FAM135B: variants seen among roughly 807,000 people sequenced by gnomAD.
The protein encoded by FAM135B is family with sequence similarity 135 member B.
FAM135B carries 43 observed loss-of-function variants against 127.7 expected under a neutral mutation model. The observed-to-expected ratio is 0.34, with a 90% CI of 0.26 to 0.43. FAM135B has a LOEUF of 0.43. Ranked by LOEUF, FAM135B falls within the 20% of genes least tolerant of loss-of-function variation. FAM135B has a pLI of 1.00. For missense variants in FAM135B, 1,558 were observed against 1,725.6 expected (o/e 0.90, Z 1.72); for synonymous variants, 670 against 665.1 (o/e 1.01, Z -0.11).
At chr8:138,310,526 C>T (rs1346775364) in intron 3 of FAM135B, among the ~76,000 whole-genome samples, 1 of 152,148 alleles carries the variant, frequency 6.6e-6, no homozygotes, top group Non-Finnish European at 1.5e-5. Flanking sequence ...GCTTCTCTAC[C>T]CACTTGCTGG....
intron 1 of FAM135B, among the ~76,000 whole-genome samples, chr8:138,409,753 T>A (rs992351439): frequency 6.6e-6 from 1 of 151,834 alleles, no homozygotes; most frequent in Middle Eastern, 3.2e-3. Flanking sequence ...TGGGCGCTTG[T>A]AGTCCCAGCT....
At chr8:138,400,299 C>T (rs1440048100) in intron 1 of FAM135B, among the ~76,000 whole-genome samples, 2 of 152,138 alleles carry the variant, frequency 1.3e-5, no homozygotes, top group African/African-American at 4.8e-5. Flanking sequence ...TTGATTCAGT[C>T]GCTTACTCCA....
intron 1 of FAM135B, among the ~76,000 whole-genome samples, chr8:138,377,211 G>A (rs2131267621): frequency 6.6e-6 from 1 of 152,248 alleles, no homozygotes; most frequent in Admixed American, 6.5e-5. Context: ...CTATATATCA[G>A]CATTTACTTT....
chr8:138,473,188 T>C (rs999169608), intron 1 of FAM135B, among the ~76,000 whole-genome samples: 31 of 152,276 alleles, frequency 2.0e-4, no homozygotes, highest in African/African-American at 7.0e-4. Context: ...CAGGATCTAG[T>C]AGGAGAACCT....
At chr8:138,155,702 C>T (rs1818664143) in intron 12 of FAM135B, among the ~76,000 whole-genome samples, 1 of 152,074 alleles carries the variant, frequency 6.6e-6, no homozygotes, top group Non-Finnish European at 1.5e-5. Context: ...ACAAAGAAAG[C>T]CATTACATAA....
chr8:138,185,801 T>G (rs997456157), intron 9 of FAM135B, among the ~76,000 whole-genome samples: 1 of 152,220 alleles, frequency 6.6e-6, no homozygotes, highest in Non-Finnish European at 1.5e-5. Context: ...ATACTCAGCA[T>G]GTGTTGAACT....
intron 12 of FAM135B, among the ~76,000 whole-genome samples, chr8:138,165,037 C>T (rs956288901): frequency 3.3e-5 from 5 of 152,006 alleles, no homozygotes; most frequent in Non-Finnish European, 5.9e-5. Context: ...GCAGAGAAGC[C>T]CCAGAAAGAC....
chr8:138,259,355 T>C (rs1329485845), intron 4 of FAM135B, among the ~76,000 whole-genome samples: 1 of 152,238 alleles, frequency 6.6e-6, no homozygotes, highest in Non-Finnish European at 1.5e-5. Context: ...CTCTTAGTTC[T>C]ATCATTTCAT....
intron 1 of FAM135B, chr8:138,441,877 G>C (rs1835790403): frequency 6.6e-6 from 1 of 151,932 alleles, no homozygotes; most frequent in South Asian, 2.1e-4. Context: ...AGAATATGCT[G>C]TGTGAGGAGA....
chr8:138,340,709 C>T (rs946620235), intron 2 of FAM135B, among the ~76,000 whole-genome samples: 5 of 152,094 alleles, frequency 3.3e-5, no homozygotes, highest in Admixed American at 2.0e-4. Flanking sequence ...CATCCATCCC[C>T]TCCTCCCTCC....
chr8:138,272,436 C>T (rs1403153747), intron 3 of FAM135B, among the ~76,000 whole-genome samples: 1 of 152,122 alleles, frequency 6.6e-6, no homozygotes, highest in Non-Finnish European at 1.5e-5. Context: ...AAGCAGATAC[C>T]ATGCTCTGGC....
chr8:138,306,027 A>G (rs369225070), intron 3 of FAM135B, among the ~76,000 whole-genome samples: 1 of 152,290 alleles, frequency 6.6e-6, no homozygotes, highest in East Asian at 1.9e-4. Flanking sequence ...GAGACACACA[A>G]TGAAGTTTCT....
intron 3 of FAM135B, among the ~76,000 whole-genome samples, chr8:138,270,537 C>A (rs1173896130): frequency 6.6e-6 from 1 of 152,348 alleles, no homozygotes; most frequent in Non-Finnish European, 1.5e-5. Flanking sequence ...GCTGCAATAA[C>A]ACAATAGCAC....
chr8:138,281,973 G>A (rs1158300143), intron 3 of FAM135B, among the ~76,000 whole-genome samples: 3 of 152,150 alleles, frequency 2.0e-5, no homozygotes, highest in African/African-American at 7.2e-5. Flanking sequence ...ATTGTGCCCA[G>A]CTGATTATCT....
intron 9 of FAM135B, among the ~76,000 whole-genome samples, chr8:138,187,419 C>A (rs1203833962): frequency 6.6e-6 from 1 of 152,076 alleles, no homozygotes; most frequent in Non-Finnish European, 1.5e-5. Flanking sequence ...GCCACCTATT[C>A]TCTGTGAGAG....
At chr8:138,267,473 C>T (rs1041743056) in intron 3 of FAM135B, among the ~76,000 whole-genome samples, 1 of 151,258 alleles carries the variant, frequency 6.6e-6, no homozygotes, top group African/African-American at 2.4e-5. Context: ...AAAATGAAGT[C>T]TCCAGTGAAA....
intron 1 of FAM135B, among the ~76,000 whole-genome samples, chr8:138,395,393 T>A (rs1443303878): frequency 6.6e-6 from 1 of 151,950 alleles, no homozygotes; most frequent in Non-Finnish European, 1.5e-5. Context: ...TTCTCCACTG[T>A]GAGCCAGAGA....
At chr8:138,415,573 A>G (rs1834097267) in intron 1 of FAM135B, among the ~76,000 whole-genome samples, 1 of 152,176 alleles carries the variant, frequency 6.6e-6, no homozygotes, top group African/African-American at 2.4e-5. Flanking sequence ...GATAGGAGGG[A>G]AGCTCAGGTC....
At chr8:138,438,035 CT>C (rs781011446) in intron 1 of FAM135B, 4 of 152,188 alleles carry the variant, frequency 2.6e-5, no homozygotes, top group Non-Finnish European at 4.4e-5. Context: ...ATTCGCTCAC[CT>C]GTAAAAACAC....
Sources: allele counts gnomAD v4.1 joint callset (sites outside exome capture counted in the v4.1 genomes callset), GRCh38; gene constraint gnomAD v4.1.1; transcripts MANE v1.5; gene names NCBI Gene and HGNC (gene_info 2026-07-23, HGNC 2026-07-21).